The following GIGYF2 variants were observed in gnomAD, a reference collection of about 807,000 sequenced individuals.
GIGYF2 encodes the protein GRB10 interacting GYF protein 2, also known as GRB10-interacting GYF protein 2.
Under a neutral mutation model 208.1 loss-of-function variants are expected in GIGYF2, and 25 were observed. That is an observed-to-expected ratio of 0.12 (90% CI 0.09 to 0.17). GIGYF2 has a LOEUF of 0.17. GIGYF2 is among the 10% of genes least tolerant of loss of function. The pLI is 1.00. For synonymous variants in GIGYF2, 534 were observed against 543.8 expected (o/e 0.98, Z 0.25); for missense variants, 1,302 against 1,579.4 (o/e 0.82, Z 2.98).
chr2:232,740,243 G>A (rs545710084), intron 3 of GIGYF2, among the ~76,000 whole-genome samples: 1 of 152,132 alleles, frequency 6.6e-6, no homozygotes, highest in Non-Finnish European at 1.5e-5. Flanking sequence ...GATTGCTCGG[G>A]CCTAGGCATT....
intron 21 of GIGYF2, among the ~76,000 whole-genome samples, chr2:232,829,876 A>T (rs975875221): frequency 6.6e-6 from 1 of 152,230 alleles, no homozygotes; most frequent in Admixed American, 6.5e-5. Context: ...ATGCTTTCTG[A>T]TTAGTAGACA....
chr2:232,802,800 G>A (rs1700437229), intron 14 of GIGYF2, among the ~76,000 whole-genome samples: 1 of 152,032 alleles, frequency 6.6e-6, no homozygotes, highest in South Asian at 2.1e-4. Flanking sequence ...TCAGTTTTTG[G>A]AAAAAGTTTG....
chr2:232,804,088 T>A (rs1364071126), intron 14 of GIGYF2, among the ~76,000 whole-genome samples: 1 of 152,176 alleles, frequency 6.6e-6, no homozygotes, highest in Non-Finnish European at 1.5e-5. Context: ...TTCTTCCCAG[T>A]TTAATCTTCT....
chr2:232,799,787 C>T (rs1700337009), intron 14 of GIGYF2, among the ~76,000 whole-genome samples: 2 of 152,090 alleles, frequency 1.3e-5, no homozygotes, highest in South Asian at 4.1e-4. Context: ...TCACCAAATT[C>T]TCTCCAACAC....
chr2:232,793,905 G>C (rs1700143983), intron 12 of GIGYF2, among the ~76,000 whole-genome samples: 1 of 152,108 alleles, frequency 6.6e-6, no homozygotes, highest in Non-Finnish European at 1.5e-5. Flanking sequence ...CATTGTATTT[G>C]GCAACTTTGT....
rs113100060 is a variant in GIGYF2 at position 232,811,994 on chromosome 2, G to T, written c.2007-397G>T. 5.7e-3 allele frequency among the ~76,000 whole-genome samples: 874 copies of T among 152,322 alleles called. 3 individuals carry two copies. The highest frequency in any genetic ancestry group is 0.02 in the African/African-American group (833 of 41,564). On this transcript the variant is annotated intron_variant, in intron 17 of 28. Transcript: ENST00000373563. ...TGAGAGGCTGTAGGACTTGATTAAT[G>T]TAACACACAGGAAACTCAGAACTAA...
In GIGYF2 at chr2:232,794,683, A is replaced by G. The variant is rs1183117032; in HGVS notation, c.1283-65A>G. The G allele has an allele frequency of 2.4e-6, 3 of 1,254,136 alleles. No homozygotes were observed. The African/African-American group carries it at 4.4e-5, about 18-fold the overall frequency. 77.7% of individuals were successfully genotyped at this position (1,254,136 alleles called of 1,614,324 possible). The stretch of plus-strand genomic sequence containing the variant: ...ATTTAGCAGGCTGTGCGACTTGATA[A>G]TGTAGTTAGCCTTCACAGAAGTCTC... On this transcript the variant is annotated intron_variant, in intron 12 of 28. Transcript: ENST00000373563.
chr2:232,811,092 A>G (rs1190013128), intron 16 of GIGYF2, 152 bp from the exon 17 acceptor site: 11 of 617,334 alleles, frequency 1.8e-5, no homozygotes, highest in African/African-American at 7.4e-5. Flanking sequence ...CTATGTGTCT[A>G]TTATCATAAT....
At chr2:232,826,502 C>T (rs1701249880) in intron 21 of GIGYF2, among the ~76,000 whole-genome samples, 1 of 152,156 alleles carries the variant, frequency 6.6e-6, no homozygotes, top group Non-Finnish European at 1.5e-5. Context: ...TAAATGTCTT[C>T]TTTTGAGAAG....
intron 2 of GIGYF2, among the ~76,000 whole-genome samples, chr2:232,714,962 G>T (rs1025443621): frequency 3.3e-5 from 5 of 152,126 alleles, no homozygotes; most frequent in Admixed American, 6.5e-5. Flanking sequence ...AGAGGCCTCA[G>T]TGTGTGTGGT....
At chr2:232,762,015 A>G (rs912075415) in intron 8 of GIGYF2, among the ~76,000 whole-genome samples, 6 of 151,682 alleles carry the variant, frequency 4.0e-5, no homozygotes, top group Non-Finnish European at 7.4e-5. Flanking sequence ...CATAATTTAT[A>G]TTTAAAGAAT....
In GIGYF2 at chr2:232,819,992, A is replaced by G; in HGVS notation, c.2529+7A>G. On this transcript the variant is annotated splice_region_variant and intron_variant, in intron 21 of 28. Coordinates refer to ENST00000373563, the MANE Select transcript of GIGYF2 (RefSeq NM_001103146.3). ...AGAATTGTTACGCAAACAGGTGACC[A>G]GATGGTTTTGTCTTCTAATTGTTCC... 6.2e-7 allele frequency: 1 copy of G among 1,613,342 alleles called. No individual in the cohort carries two copies. The highest frequency in any genetic ancestry group is 8.5e-7 in the Non-Finnish European group (1 of 1,179,352).
At chr2:232,762,321 C>T (rs538405539) in intron 8 of GIGYF2, among the ~76,000 whole-genome samples, 10 of 147,798 alleles carry the variant, frequency 6.8e-5, no homozygotes, top group Non-Finnish European at 1.5e-4. Context: ...GGTGTGGTCT[C>T]GGCTCACTGC....
In GIGYF2 at chr2:232,812,474, C is replaced by A; in HGVS notation, c.2090C>A (p.Thr697Lys). 1.4e-6 allele frequency: 2 copies of A among 1,420,304 alleles called. No homozygotes were observed. Among genetic ancestry groups the A allele is most frequent in the African/African-American group, 1.4e-5 (1 of 71,256 alleles). 88.0% of individuals were successfully genotyped at this position (1,420,304 alleles called of 1,614,324 possible). ...GGCTCTATCTGGGAGCTTCAGCCAA[C>A]AGCTTCACAGCCTACAGGTAAAAAC... Reference protein sequence around the residue: ...DTGSIWELQPTASQPTVWEGG... With the variant: ...DTGSIWELQPKASQPTVWEGG... Residue 697 changes from threonine (T) to lysine (K), a missense_variant, in exon 18 of 29, where the codon ACA (threonine) becomes AAA (lysine). Coordinates refer to ENST00000373563, the MANE Select transcript of GIGYF2 (RefSeq NM_001103146.3).
intron 4 of GIGYF2, 137 bp downstream of exon 4, chr2:232,747,881 T>G: frequency 1.2e-6 from 1 of 805,592 alleles, no homozygotes; most frequent in Middle Eastern, 3.6e-4. Flanking sequence ...TTCCCTGCTT[T>G]GAAGCCTGCA....
intron 14 of GIGYF2, among the ~76,000 whole-genome samples, chr2:232,802,201 A>G (rs902283954): frequency 6.6e-5 from 10 of 150,998 alleles, no homozygotes; most frequent in Non-Finnish European, 8.8e-5. Context: ...ATAAAAGATT[A>G]TATCATCTGT....
At chr2:232,714,510 AAAG>A (rs1309347603) in intron 2 of GIGYF2, among the ~76,000 whole-genome samples, 8 of 152,204 alleles carry the variant, frequency 5.3e-5, no homozygotes, top group Admixed American at 3.9e-4. Flanking sequence ...TCTTTTTAAA[AAAG>A]AACTTTTCTG....
intron 3 of GIGYF2, 118 bp from the exon 4 acceptor site, chr2:232,747,497 T>G: frequency 9.5e-7 from 1 of 1,052,406 alleles, no homozygotes; most frequent in Non-Finnish European, 1.5e-6. Context: ...TACTTTGAGA[T>G]AGTAGGATTT....
chr2:232,700,773 G>A (rs1695806022), intron 1 of GIGYF2: 1 of 151,832 alleles, frequency 6.6e-6, no homozygotes, highest in Non-Finnish European at 1.5e-5. Context: ...GGGTTTTGTG[G>A]TGATAAAGTC....
Sources: allele counts gnomAD v4.1 joint callset (sites outside exome capture counted in the v4.1 genomes callset), GRCh38; gene constraint gnomAD v4.1.1; transcripts MANE v1.5; gene names NCBI Gene and HGNC (gene_info 2026-07-23, HGNC 2026-07-21).